The following NBN variants were observed in gnomAD, a reference collection of about 807,000 sequenced individuals.
NBN encodes the protein nibrin.
A neutral mutation model predicts 90.8 loss-of-function variants in NBN; 88 were observed. The ratio of observed to expected loss-of-function variants is 0.97; its 90% confidence interval spans 0.82 to 1.16. The LOEUF is 1.16. Among genes scored for constraint, NBN ranks in the 50% most tolerant of loss-of-function variants. The pLI is 0.00. For missense variants in NBN, 894 were observed against 869.6 expected, an observed-to-expected ratio of 1.03 and a Z score of -0.35; for synonymous variants, 328 against 295.1, an observed-to-expected ratio of 1.11 and a Z score of -1.14.
intron 15 of NBN, among the ~76,000 whole-genome samples, chr8:89,936,631 TTAATC>T (rs778029394): frequency 3.3e-5 from 5 of 152,196 alleles, no homozygotes; most frequent in Admixed American, 1.3e-4. Context: ...CTTTGAAACT[TTAATC>T]TAGCCTTTTG....
Position 89,975,916 on chromosome 8 carries a change from T to C in NBN, c.584+2304A>G, listed in dbSNP as rs75604983. 5.0e-3 allele frequency among the ~76,000 whole-genome samples: 759 copies of C among 152,352 alleles called. 8 individuals are homozygous for C. Among genetic ancestry groups the C allele is most frequent in the African/African-American group, 0.017 (692 of 41,586 alleles). On this transcript the variant is annotated intron_variant, in intron 5 of 15. Coordinates refer to ENST00000265433, the MANE Select transcript of NBN (RefSeq NM_002485.5). ...TTATGTACTTCCTCAGGGAGGTTCCTCAAGAGGCTTCAGGGAAAAATGTGA... is the reference window on the plus strand; with the variant it reads ...TTATGTACTTCCTCAGGGAGGTTCCCCAAGAGGCTTCAGGGAAAAATGTGA...
chr8:89,948,841 A>C (rs1810316910), intron 11 of NBN, among the ~76,000 whole-genome samples: 1 of 152,158 alleles, frequency 6.6e-6, no homozygotes, highest in African/African-American at 2.4e-5. Flanking sequence ...TTTATACATA[A>C]TCAGAATACA....
At chr8:89,947,569 C>T (rs972294419) in intron 12 of NBN, among the ~76,000 whole-genome samples, 5 of 151,714 alleles carry the variant, frequency 3.3e-5, no homozygotes, top group African/African-American at 9.7e-5. Context: ...GCTGAGGTTG[C>T]GGTGAGCCGA....
intron 11 of NBN, among the ~76,000 whole-genome samples, chr8:89,949,582 A>G (rs1040903072): frequency 6.6e-6 from 1 of 152,204 alleles, no homozygotes; most frequent in East Asian, 1.9e-4. Context: ...TATCATTCGT[A>G]TAAGGATAAA....
chr8:89,941,664 T>C (rs1195164477), intron 14 of NBN, among the ~76,000 whole-genome samples: 1 of 152,222 alleles, frequency 6.6e-6, no homozygotes, highest in African/African-American at 2.4e-5. Context: ...GTCTGGAATA[T>C]TGTTCACTTA....
intron 13 of NBN, 129 bp from the exon 14 acceptor site, chr8:89,943,495 A>C: frequency 1.0e-6 from 1 of 967,336 alleles, no homozygotes; most frequent in South Asian, 1.4e-5. Context: ...TCTACAAATA[A>C]AAGTGAGAGC....
chr8:89,955,410 T>G lies in NBN; in HGVS notation c.1270A>C (p.Met424Leu). 6.2e-7 allele frequency: 1 copy of G among 1,613,896 alleles called. No homozygotes were observed. Among genetic ancestry groups the G allele is most frequent in the Non-Finnish European group, 8.5e-7 (1 of 1,179,850 alleles). Residue 424 changes from methionine to leucine, a missense_variant, in exon 10 of 16, where the codon ATG becomes CTG. Transcript: ENST00000265433. ...GAAAGCTGATAGTTTGGGATTCTCA[T>G]CTTAGCCAAAGTATTTGATACCATA... ...NSMVSNTLAK[M>L]RIPNYQLSPT...
chr8:89,976,608 G>C (rs373453078), intron 5 of NBN, among the ~76,000 whole-genome samples: 40 of 152,240 alleles, frequency 2.6e-4, no homozygotes, highest in Middle Eastern at 3.4e-3. Context: ...ACAGCTAGTC[G>C]GGACCGCGGC....
rs1057523867 is a variant in NBN, at chr8:89,937,014, A to G, written c.2234+12T>C. 1 of 1,600,616 alleles carries G rather than the reference A, an allele frequency of 6.2e-7. No homozygotes were observed. ...TCTCAAAGGTACATGAGAAAGGTGA[A>G]TCAAACTTTACCTAAAAAGATCATC... On this transcript the variant is annotated intron_variant, in intron 15 of 15. Coordinates refer to ENST00000265433, the MANE Select transcript of NBN (RefSeq NM_002485.5).
chr8:89,981,541 A>G lies in NBN; in HGVS notation c.172-18T>C. 6.2e-7 allele frequency: 1 copy of G among 1,611,890 alleles called. No homozygotes were observed. Among genetic ancestry groups the G allele is most frequent in the Non-Finnish European group, 8.5e-7 (1 of 1,178,700 alleles). ...GTTTGACTCTGAAAAGTTAGCAAAT[A>G]ATTTAAAGTCTTTTACCACTCAGTA... On this transcript the variant is annotated intron_variant, in intron 2 of 15. Coordinates refer to ENST00000265433, the MANE Select transcript of NBN (RefSeq NM_002485.5).
At position 89,947,707 on chromosome 8, in the gene NBN, GAAGT is replaced by G. The variant is rs1489083407; in HGVS notation, c.1914+113_1914+116del. ...TCAATCCATTTCAAGGCACAATCAT[GAAGT>G]AAGCCATAATTAGGAAAGAGAAATA... is the stretch of plus-strand genomic sequence containing the variant. On this transcript the variant is annotated intron_variant, in intron 12 of 15. Coordinates refer to ENST00000265433, the MANE Select transcript of NBN (RefSeq NM_002485.5). 1.3e-5 allele frequency: 8 copies of G among 637,974 alleles called. No homozygotes were observed. In the Admixed American group the frequency reaches 1.9e-4, roughly 15 times the overall value. 39.5% of individuals were successfully genotyped at this position (637,974 alleles called of 1,614,324 possible).
intron 5 of NBN, among the ~76,000 whole-genome samples, chr8:89,976,587 T>C (rs7818138): frequency 0.043 from 6,584 of 152,248 alleles, 278 homozygotes; most frequent in East Asian, 0.19. Flanking sequence ...ACTGAATAAA[T>C]GACCACAGCA....
chr8:89,946,007 A>T (rs1439352287), intron 13 of NBN, 133 bp downstream of exon 13: 6 of 669,040 alleles, frequency 9.0e-6, no homozygotes, highest in Non-Finnish European at 1.5e-5. Flanking sequence ...TTCCTAGAGG[A>T]ATTTTTTAAA....
chr8:89,971,191 T>C lies in NBN; in HGVS notation c.684A>G (p.Ile228Met), dbSNP rs1064793416. ...RKQIFKGKTF[I>M]FLNAKQHKKL... ...TAATTACCTGTTTGGCATTCAAAAA[T>C]ATAAATGTTTTCCCTTTGAAGATTT... The change falls in exon 6 of 16, where the codon ATA (isoleucine) becomes ATG (methionine). Residue 228 changes from isoleucine (I) to methionine (M), a missense_variant. Transcript: ENST00000265433. The C allele has an allele frequency of 6.2e-7, 1 of 1,612,824 alleles. No homozygotes were observed. The highest frequency in any genetic ancestry group is 1.1e-5 in the South Asian group (1 of 91,058).
intron 10 of NBN, 58 bp downstream of exon 10, chr8:89,955,225 A>C (rs1230073341): frequency 6.7e-7 from 1 of 1,483,126 alleles, no homozygotes; most frequent in Non-Finnish European, 9.4e-7. Context: ...ATTCTACAAC[A>C]GTATAAAAAA....
intron 4 of NBN, 49 bp downstream of exon 4, chr8:89,980,685 T>G: frequency 6.6e-7 from 1 of 1,521,970 alleles, no homozygotes; most frequent in Non-Finnish European, 9.1e-7. Flanking sequence ...TGGGTAAGCT[T>G]AAATTCAAAT....
Position 89,970,507 on chromosome 8 carries a change from C to G in NBN, c.753G>C (p.Leu251Phe), listed in dbSNP as rs2129830525. The G allele has an allele frequency of 6.2e-7, 1 of 1,613,910 alleles. No homozygotes were observed. Among genetic ancestry groups the G allele is most frequent in the Non-Finnish European group, 8.5e-7 (1 of 1,179,820 alleles). ...AVVFGGGEAR[L>F]ITEENEEEHN... ...GTTCTTCTTCATTCTCTTCTGTTATCAACCTAGCTTCCCCACCTCCAAAGA... is the reference window on the plus strand; with the variant it reads ...GTTCTTCTTCATTCTCTTCTGTTATGAACCTAGCTTCCCCACCTCCAAAGA... The change falls in exon 7 of 16, where the codon TTG becomes TTC. Residue 251 changes from leucine (L) to phenylalanine (F), a missense_variant. Transcript: ENST00000265433.
At chr8:89,940,113 C>T (rs151000622) in intron 14 of NBN, among the ~76,000 whole-genome samples, 2,183 of 151,882 alleles carry the variant, frequency 0.014, 51 homozygotes, top group African/African-American at 0.05. Flanking sequence ...TGAGATGTGG[C>T]CTTGCTCTGT....
intron 8 of NBN, among the ~76,000 whole-genome samples, chr8:89,961,211 C>T (rs138108465): frequency 3.5e-4 from 53 of 152,312 alleles, no homozygotes; most frequent in African/African-American, 1.2e-3. Context: ...CAGCTATAAA[C>T]ACAATTTCAA....
Sources: gnomAD v4.1 joint callset for allele counts (sites outside exome capture counted in the v4.1 genomes callset) on GRCh38, gnomAD v4.1.1 for gene constraint, MANE v1.5 for transcripts, NCBI Gene and HGNC (gene_info 2026-07-23, HGNC 2026-07-21) for gene names.